BEAN1: variants seen among roughly 807,000 people sequenced by gnomAD.
BEAN1 encodes the protein brain expressed associated with NEDD4 1.
Under a neutral mutation model 17.7 loss-of-function variants are expected in BEAN1, and 17 were observed. That is an observed-to-expected ratio of 0.96 (90% CI 0.66 to 1.44). The LOEUF is 1.44. BEAN1 is among the 40% of genes most tolerant of loss of function. The pLI is 0.00. For synonymous variants in BEAN1, 142 were observed against 151.8 expected (o/e 0.94, Z 0.47); for missense variants, 359 against 374.1 (o/e 0.96, Z 0.33).
At chr16:66,466,781 C>A (rs113748961) in intron 2 of BEAN1, among the ~76,000 whole-genome samples, 1 of 152,078 alleles carries the variant, frequency 6.6e-6, no homozygotes, top group East Asian at 1.9e-4. Flanking sequence ...CTTGGTCAGG[C>A]GGGTCTCAAC....
At chr16:66,461,033 G>C (rs930943321) in intron 2 of BEAN1, among the ~76,000 whole-genome samples, 3 of 152,268 alleles carry the variant, frequency 2.0e-5, no homozygotes, top group East Asian at 1.9e-4. Context: ...CTGGCATTGG[G>C]GGGGAGGTGG....
chr16:66,466,578 G>A (rs945875576), intron 2 of BEAN1, among the ~76,000 whole-genome samples: 2 of 151,986 alleles, frequency 1.3e-5, no homozygotes, highest in Non-Finnish European at 2.9e-5. Context: ...TTTTGTTTTT[G>A]TTTTGAGATG....
chr16:66,437,581 T>C lies in BEAN1; in HGVS notation c.-82-14T>C. ...CATGGGCCCCCCAACACCTGCCTGT[T>C]TGTGTCTCCGCAGGTGAGTGGAGGG... On this transcript the variant is annotated splice_polypyrimidine_tract_variant and intron_variant, in intron 1 of 4. Transcript: ENST00000536005. The C allele has an allele frequency of 7.2e-7, 1 of 1,397,956 alleles. No individual in the cohort carries two copies. Among genetic ancestry groups the C allele is most frequent in the Non-Finnish European group, 9.7e-7 (1 of 1,034,682 alleles). The allele number at this position is 1,397,956 out of a possible 1,614,324, so 86.6% of individuals were successfully genotyped here. A position where few individuals can be genotyped will look rare whatever the true frequency, so the allele number is the denominator to read the frequency against.
intron 4 of BEAN1, among the ~76,000 whole-genome samples, chr16:66,479,534 T>G (rs1597048763): frequency 2.0e-5 from 3 of 151,792 alleles, no homozygotes; most frequent in African/African-American, 4.8e-5. Context: ...ACAGAGGTGA[T>G]TCCCCCTCCA....
chr16:66,437,499 C>A (rs1385074627), intron 1 of BEAN1, 96 bp from the exon 2 acceptor site: 7 of 703,394 alleles, frequency 1.0e-5, no homozygotes, highest in Non-Finnish European at 1.4e-5. Flanking sequence ...TCCTCTCCCG[C>A]AGAGGTTGAC....
At chr16:66,477,754 C>T (rs1176746091) in intron 4 of BEAN1, 44 bp downstream of exon 4, 51 of 1,479,096 alleles carry the variant, frequency 3.4e-5, no homozygotes, top group Middle Eastern at 1.8e-4. Context: ...GGATGGGGCC[C>T]TGGACACAAA....
At chr16:66,494,368 G>T (rs189423428), downstream of BEAN1, among the ~76,000 whole-genome samples, 5 of 152,256 alleles carry the variant, frequency 3.3e-5, no homozygotes, top group East Asian at 9.7e-4. Flanking sequence ...CCACCTCTAT[G>T]AGCCTCGTTT....
At chr16:66,479,009 T>C (rs1270760187) in intron 4 of BEAN1, 2 of 152,384 alleles carry the variant, frequency 1.3e-5, no homozygotes, top group East Asian at 3.9e-4. Context: ...CATACCCACC[T>C]GGGTTTGAGC....
intron 2 of BEAN1, among the ~76,000 whole-genome samples, chr16:66,445,202 C>A (rs1051111396): frequency 1.3e-5 from 2 of 151,934 alleles, no homozygotes; most frequent in Non-Finnish European, 2.9e-5. Flanking sequence ...GGTGGCCGGG[C>A]GTGGTGGCTC....
At position 66,471,989 on chromosome 16, in the gene BEAN1, C is replaced by T. The variant is rs1471982857; in HGVS notation, c.289+2124C>T. 6.6e-6 allele frequency among the ~76,000 whole-genome samples: 1 copy of T among 152,228 alleles called. No homozygotes were observed. Among genetic ancestry groups the T allele is most frequent in the Non-Finnish European group, 1.5e-5 (1 of 68,046 alleles). Reference sequence around the variant, plus strand: ...AGTCTGCCGCCTGCCCCTCGCACAGCCTGGCCCTTGCCCAGCTCCTCCCAC... The same window carrying T: ...AGTCTGCCGCCTGCCCCTCGCACAGTCTGGCCCTTGCCCAGCTCCTCCCAC... On this transcript the variant is annotated intron_variant, in intron 3 of 4. Coordinates refer to ENST00000536005, the MANE Select transcript of BEAN1 (RefSeq NM_001178020.3). The surrounding 1 kb of genome is among the most constrained non-coding windows in gnomAD (Gnocchi z 4.7).
At chr16:66,461,430 AATG>A (rs1339063951) in intron 2 of BEAN1, among the ~76,000 whole-genome samples, 1 of 152,136 alleles carries the variant, frequency 6.6e-6, no homozygotes, top group Non-Finnish European at 1.5e-5. Context: ...CCCATCTGGT[AATG>A]AGCCTGGTGC....
intron 3 of BEAN1, 36 bp from the exon 4 acceptor site, chr16:66,477,524 G>T: frequency 1.3e-6 from 2 of 1,498,306 alleles, no homozygotes; most frequent in Non-Finnish European, 8.9e-7. Context: ...CCTGGATCCT[G>T]GTCTGAGGCC....
chr16:66,438,810 C>A (rs540330591), intron 2 of BEAN1, among the ~76,000 whole-genome samples: 4 of 152,170 alleles, frequency 2.6e-5, no homozygotes, highest in East Asian at 3.9e-4. Flanking sequence ...CTGAGCCCCC[C>A]CCAAACCACC....
exon 5 of BEAN1, chr16:66,493,164 C>T (rs747737058): frequency 8.0e-5 from 56 of 702,844 alleles, no homozygotes; most frequent in Non-Finnish European, 4.4e-5. Context: ...CTCAGAACCG[C>T]GGGCACACGG....
At position 66,442,832 on chromosome 16, in the gene BEAN1, C is replaced by G. The variant is rs115234374; in HGVS notation, c.25+5131C>G. On this transcript the variant is annotated intron_variant, in intron 2 of 4. Transcript: ENST00000536005. The stretch of plus-strand genomic sequence containing the variant: ...AGTCTTGTCCTTTTGGCTACCTTCT[C>G]CCTACACAGGTCTGTATTGAGGGAG... Among the ~76,000 whole-genome samples the G allele has an allele frequency of 2.8e-3, 429 of 152,266 alleles. 1 individual carries two copies. Among genetic ancestry groups the G allele is most frequent in the African/African-American group, 9.9e-3 (412 of 41,534 alleles).
At chr16:66,463,475 T>G (rs1334277513) in intron 2 of BEAN1, among the ~76,000 whole-genome samples, 1 of 152,166 alleles carries the variant, frequency 6.6e-6, no homozygotes, top group East Asian at 1.9e-4. Context: ...CTTTTGACAA[T>G]TTTTTTAATT....
intron 2 of BEAN1, among the ~76,000 whole-genome samples, chr16:66,443,018 C>T (rs940258328): frequency 1.3e-5 from 2 of 152,236 alleles, no homozygotes; most frequent in Admixed American, 1.3e-4. Context: ...CGATGGCACA[C>T]ACTGCAAAAT....
chr16:66,493,736 C>T (rs1021375557), downstream of BEAN1, among the ~76,000 whole-genome samples: 5 of 152,170 alleles, frequency 3.3e-5, no homozygotes, highest in African/African-American at 1.2e-4. Flanking sequence ...TCCAGGGCAG[C>T]CCTTAGACCG....
rs758205983 is a variant in BEAN1 at position 66,477,568 on chromosome 16, G to A, written c.298G>A (p.Glu100Lys). The change falls in exon 4 of 5, where the codon GAG (glutamate) becomes AAG (lysine). Residue 100 changes from glutamate to lysine, a missense_variant. Physicochemically the swap from Glu to Lys is moderately conservative, Grantham distance 56. Transcript: ENST00000536005. ...REYEHGYVSD[E>K]HTYSRSSRRM... ...TGGTCTGTTCCCTGCAGTGTCGGACGAGCACACATACAGCCGCTCAAGCCG... is the reference window on the plus strand; with the variant it reads ...TGGTCTGTTCCCTGCAGTGTCGGACAAGCACACATACAGCCGCTCAAGCCG... The A allele has an allele frequency of 3.9e-6, 6 of 1,544,470 alleles. No homozygotes were observed. Among genetic ancestry groups the A allele is most frequent in the Non-Finnish European group, 4.4e-6 (5 of 1,144,924 alleles).
Sources: allele counts gnomAD v4.1 joint callset (sites outside exome capture counted in the v4.1 genomes callset), GRCh38; gene constraint gnomAD v4.1.1; non-coding constraint Gnocchi (gnomAD v3.1); transcripts MANE v1.5; gene names NCBI Gene and HGNC (gene_info 2026-07-23, HGNC 2026-07-21).